KIF18B: variants seen among roughly 807,000 people sequenced by gnomAD.
KIF18B encodes the protein kinesin family member 18B.
KIF18B carries 49 observed loss-of-function variants against 80.9 expected under a neutral mutation model. The observed-to-expected ratio is 0.61, with a 90% CI of 0.48 to 0.77. The LOEUF is 0.77. Among genes scored for constraint, KIF18B ranks in the 30% least tolerant of loss-of-function variants. The pLI is 0.00. For missense variants in KIF18B, 994 were observed against 1,127.7 expected, an observed-to-expected ratio of 0.88 and a Z score of 1.70; for synonymous variants, 439 against 463.9, an observed-to-expected ratio of 0.95 and a Z score of 0.69.
Position 44,924,912 on chromosome 17 carries a change from G to A in KIF18B, c.*1168C>T, listed in dbSNP as rs2145655749. The A allele has an allele frequency of 6.6e-6, 1 of 152,222 alleles. No homozygotes were observed. Among genetic ancestry groups the A allele is most frequent in the East Asian group, 1.9e-4 (1 of 5,182 alleles). 9.4% of individuals were successfully genotyped at this position (152,222 alleles called of 1,614,324 possible). A position where few individuals can be genotyped will look rare whatever the true frequency, so the allele number is the denominator to read the frequency against. On this transcript the variant is annotated 3_prime_UTR_variant, in exon 16 of 16. Transcript: ENST00000593135. ...TACAATAGAGTTAAGCAATAAAGCT[G>A]TCTTCATTTGGAAATCAAGGCACCA...
Position 44,936,299 on chromosome 17 carries a change from G to A in KIF18B, c.46C>T (p.Pro16Ser), listed in dbSNP as rs554123274. The A allele has an allele frequency of 7.5e-6, 12 of 1,609,944 alleles. No homozygotes were observed. The highest frequency in any genetic ancestry group is 1.0e-5 in the Non-Finnish European group (12 of 1,178,976). Residue 16 changes from proline to serine, a missense_variant, in exon 2 of 16, where the codon CCC (proline) becomes TCC (serine). Pro to Ser is a moderately conservative substitution (Grantham distance 74, BLOSUM62 -1). Coordinates refer to ENST00000593135, the MANE Select transcript of KIF18B (RefSeq NM_001265577.2). ...STLQVVVRVR[P>S]PTPRELDSQR... is the part of the protein sequence containing the mutation. ...CTGTCCAGCTCCCGAGGGGTGGGGG[G>A]CCGCACCCGTACCACTACTTGCAGC...
intron 1 of KIF18B, among the ~76,000 whole-genome samples, chr17:44,942,799 A>G (rs2052444089): frequency 1.3e-5 from 2 of 152,378 alleles, no homozygotes; most frequent in Middle Eastern, 3.4e-3. Context: ...AGTGCTTACT[A>G]TGAATTAGAC....
chr17:44,932,028 A>G, intron 10 of KIF18B, 28 bp downstream of exon 10: 1 of 1,589,360 alleles, frequency 6.3e-7, no homozygotes, highest in African/African-American at 1.3e-5. Context: ...CCCTCCCGAT[A>G]CCCAGGCCTC....
In KIF18B at chr17:44,925,556, G is replaced by A. The variant is rs914834652; in HGVS notation, c.*524C>T. On this transcript the variant is annotated 3_prime_UTR_variant, in exon 16 of 16. Coordinates refer to ENST00000593135, the MANE Select transcript of KIF18B (RefSeq NM_001265577.2). ...AGCACTTTGGGAAGCTGAGGCAGGCGGATCACCTGAGGTCAGGAGTTCAAG... is the reference window on the plus strand; with the variant it reads ...AGCACTTTGGGAAGCTGAGGCAGGCAGATCACCTGAGGTCAGGAGTTCAAG... 21 of 167,730 alleles carry A rather than the reference G, an allele frequency of 1.3e-4. No individual in the cohort carries two copies. Among genetic ancestry groups the A allele is most frequent in the Non-Finnish European group, 2.1e-4 (17 of 79,584 alleles). The allele number at this position is 167,730 out of a possible 1,614,324, so 10.4% of individuals were successfully genotyped here.
rs754564392 is a variant in KIF18B, at chr17:44,932,126, C to A, written c.1319G>T (p.Arg440Met). The change falls in exon 10 of 16, where the codon AGG (arginine) becomes ATG (methionine). Residue 440 changes from arginine (R) to methionine (M), a missense_variant. Coordinates refer to ENST00000593135, the MANE Select transcript of KIF18B (RefSeq NM_001265577.2). ...ESLGMEAQVERAMEGNSSDQE... is the reference protein window; with the variant it reads ...ESLGMEAQVEMAMEGNSSDQE... ...GTCTGAAGAGTTCCCTTCCATGGCCCTCTCCACCTGGGCCTCCATCCCCAG... is the reference window on the plus strand; with the variant it reads ...GTCTGAAGAGTTCCCTTCCATGGCCATCTCCACCTGGGCCTCCATCCCCAG... 1.2e-6 allele frequency: 2 copies of A among 1,613,802 alleles called. No individual in the cohort carries two copies. The highest frequency in any genetic ancestry group is 2.7e-5 in the African/African-American group (2 of 74,922).
intron 1 of KIF18B, among the ~76,000 whole-genome samples, chr17:44,937,186 G>A (rs1165532018): frequency 1.3e-5 from 2 of 151,792 alleles, no homozygotes; most frequent in East Asian, 3.8e-4. Flanking sequence ...CATTTATTGT[G>A]CTACTTGATT....
rs1567787176 is a variant in KIF18B, at chr17:44,928,301, T to C, written c.2001A>G (p.Gln667=). Residue 667 remains glutamine (Q), a synonymous_variant, in exon 13 of 16, where the codon CAA becomes CAG. Coordinates refer to ENST00000593135, the MANE Select transcript of KIF18B (RefSeq NM_001265577.2). ...CLRRGSLPDT[Q]PSQGPSTPKG... is the part of the protein sequence containing the mutation. ...TGGGGGTGCTGGGCCCCTGTGAAGG[T>C]TGGGTGTCAGGCAGAGACCCTCTCC... 1.2e-6 allele frequency: 2 copies of C among 1,612,872 alleles called. No individual in the cohort carries two copies. The highest frequency in any genetic ancestry group is 2.2e-5 in the East Asian group (1 of 44,846).
intron 1 of KIF18B, among the ~76,000 whole-genome samples, chr17:44,938,847 C>G (rs1381975893): frequency 6.6e-6 from 1 of 151,618 alleles, no homozygotes. Flanking sequence ...CAGTTCGAGA[C>G]CAGCTTGACT....
chr17:44,946,984 CT>C (rs765164452), intron 1 of KIF18B, among the ~76,000 whole-genome samples: 3 of 151,722 alleles, frequency 2.0e-5, no homozygotes, highest in Non-Finnish European at 4.4e-5. Flanking sequence ...TGGTGGGCGC[CT>C]TTAATCCCAG....
chr17:44,936,624 ATTTTTTTTTTTTTTTT>A (rs72105429), intron 1 of KIF18B, among the ~76,000 whole-genome samples: 224 of 27,878 alleles, frequency 8.0e-3, no homozygotes, highest in African/African-American at 0.029. Context: ...ATATATATAT[ATTTTTTTTTTTTTTTT>A]TTTTTTTTTT....
chr17:44,937,952 T>C (rs1349659092), intron 1 of KIF18B, among the ~76,000 whole-genome samples: 3 of 151,696 alleles, frequency 2.0e-5, no homozygotes, highest in Non-Finnish European at 4.4e-5. Context: ...TCTAGAATTT[T>C]ATCAATGCTC....
In KIF18B at chr17:44,928,026, C is replaced by G. The variant is rs985925274; in HGVS notation, c.2276G>C (p.Arg759Thr). Residue 759 changes from arginine to threonine, a missense_variant and splice_region_variant, in exon 13 of 16, where the codon AGG becomes ACG. Arg to Thr is a moderately conservative substitution (Grantham distance 71, BLOSUM62 -1). Coordinates refer to ENST00000593135, the MANE Select transcript of KIF18B (RefSeq NM_001265577.2). ...LSRLDQPFIP[R>T]APVPLFTMKG... Reference sequence around the variant, plus strand: ...GGTGGAGCGAGACTGGGAGACCCACCTGGGGATGAAGGGCTGGTCCAGCCT... The same window carrying G: ...GGTGGAGCGAGACTGGGAGACCCACGTGGGGATGAAGGGCTGGTCCAGCCT... 32 of 1,514,714 alleles carry G rather than the reference C, an allele frequency of 2.1e-5. No individual in the cohort carries two copies. The highest frequency in any genetic ancestry group is 8.4e-5 in the African/African-American group (6 of 71,698). 93.8% of individuals were successfully genotyped at this position (1,514,714 alleles called of 1,614,324 possible). A position where few individuals can be genotyped will look rare whatever the true frequency, so the allele number is the denominator to read the frequency against.
At chr17:44,939,484 C>A (rs939104772) in intron 1 of KIF18B, among the ~76,000 whole-genome samples, 7 of 149,032 alleles carry the variant, frequency 4.7e-5, no homozygotes, top group African/African-American at 1.7e-4. Context: ...GTGGTTTTAT[C>A]ATATATCACC....
intron 1 of KIF18B, among the ~76,000 whole-genome samples, chr17:44,939,306 G>A (rs1191494436): frequency 7.3e-6 from 1 of 137,672 alleles, no homozygotes; most frequent in East Asian, 2.2e-4. Context: ...GGGAGGCGGA[G>A]GTTGCAGTGA....
rs2052280375 is a variant in KIF18B, at chr17:44,936,057, G to A, written c.288C>T (p.Ser96=). The A allele has an allele frequency of 9.3e-6, 15 of 1,613,628 alleles. No homozygotes were observed. The highest frequency in any genetic ancestry group is 1.7e-5 in the Admixed American group (1 of 59,998). The change falls in exon 2 of 16, where the codon AGC becomes AGT. Residue 96 remains serine (S), a synonymous_variant. Transcript: ENST00000593135. The part of the protein sequence containing the change: ...FQHTTHSVLD[S]FLQGYNCSVF... ...CTGAGCAGTTGTAGCCCTGGAGGAA[G>A]CTGTCCAGGACGCTGTGCGTGGTGT...
Position 44,935,339 on chromosome 17 carries a change from G to A in KIF18B, c.391C>T (p.Leu131=). The A allele has an allele frequency of 1.2e-6, 2 of 1,613,356 alleles. No homozygotes were observed. The highest frequency in any genetic ancestry group is 8.5e-7 in the Non-Finnish European group (1 of 1,179,558). ...CGCCTGTACAGTTCCACGGTGGTCAGGTACATGATGCCGGGGTCCCCCTCC... is the reference window on the plus strand; with the variant it reads ...CGCCTGTACAGTTCCACGGTGGTCAAGTACATGATGCCGGGGTCCCCCTCC... ...GREGDPGIMY[L]TTVELYRRLE... The change falls in exon 3 of 16, where the codon CTG becomes TTG. Residue 131 remains leucine, a synonymous_variant. Coordinates refer to ENST00000593135, the MANE Select transcript of KIF18B (RefSeq NM_001265577.2).
Position 44,928,416 on chromosome 17 carries a change from CTCT to C in KIF18B, c.1883_1885del (p.Lys628del), listed in dbSNP as rs887385334. On this transcript the variant is annotated inframe_deletion, in exon 13 of 16. Coordinates refer to ENST00000593135, the MANE Select transcript of KIF18B (RefSeq NM_001265577.2). The stretch of plus-strand genomic sequence containing the variant: ...TGCCTCCAAGGCGCTTGGTCTCCTC[CTCT>C]TCTTCTCCATGGGCCATCGGGACCC... 9.0e-6 allele frequency: 14 copies of C among 1,547,332 alleles called. No individual in the cohort carries two copies. Among genetic ancestry groups the C allele is most frequent in the African/African-American group, 6.8e-5 (5 of 73,536 alleles).
At chr17:44,933,029 G>A (rs1339014515) in intron 7 of KIF18B, 43 bp from the exon 8 acceptor site, 1 of 1,573,654 alleles carries the variant, frequency 6.4e-7, no homozygotes, top group East Asian at 2.3e-5. Flanking sequence ...TTCATTCAAA[G>A]CAGCTTTTAT....
In KIF18B at chr17:44,927,428, C is replaced by T. The variant is rs1336061784; in HGVS notation, c.2277-350G>A. Among the ~76,000 whole-genome samples the T allele has an allele frequency of 6.6e-6, 1 of 152,182 alleles. No homozygotes were observed. The highest frequency in any genetic ancestry group is 1.5e-5 in the Non-Finnish European group (1 of 68,030). On this transcript the variant is annotated intron_variant, in intron 13 of 15. Coordinates refer to ENST00000593135, the MANE Select transcript of KIF18B (RefSeq NM_001265577.2). This position sits in a 1 kb window ranked among gnomAD's most constrained non-coding sequence, Gnocchi z 4.1. Reference sequence around the variant, plus strand: ...TGGGCAGAGCCTGCCAGCCTCTGCCCCACAGGTGCAGGTCAGTCTGCCACT... The same window carrying T: ...TGGGCAGAGCCTGCCAGCCTCTGCCTCACAGGTGCAGGTCAGTCTGCCACT...
Sources: gnomAD v4.1 joint callset for allele counts (sites outside exome capture counted in the v4.1 genomes callset) on GRCh38, gnomAD v4.1.1 for gene constraint, Gnocchi (gnomAD v3.1) non-coding constraint, MANE v1.5 for transcripts, NCBI Gene and HGNC (gene_info 2026-07-23, HGNC 2026-07-21) for gene names.